GFPT1: variants seen among roughly 807,000 people sequenced by gnomAD.
GFPT1 encodes the protein glutamine--fructose-6-phosphate transaminase 1, also known as glutamine--fructose-6-phosphate aminotransferase [isomerizing] 1.
In GFPT1, 40 loss-of-function variants were observed where a neutral mutation model predicts 92.0. That is an observed-to-expected ratio of 0.43 (90% CI 0.34 to 0.57). The LOEUF is 0.57. Among genes scored for constraint, GFPT1 ranks in the 20% least tolerant of loss-of-function variants. The pLI, the probability that GFPT1 is intolerant of heterozygous loss-of-function variation, is 0.02. For missense variants in GFPT1, 448 were observed against 869.1 expected (o/e 0.52, Z 6.09); for synonymous variants, 269 against 280.6 (o/e 0.96, Z 0.41).
chr2:69,373,995 T>A lies in GFPT1; in HGVS notation c.115+11A>T. ...AATCATGCAAAATCCATAGTATTTT[T>A]TTTAAAGTACCAGCAGAATCATATC... On this transcript the variant is annotated intron_variant, in intron 2 of 19. Transcript: ENST00000357308. 2.5e-6 allele frequency: 3 copies of A among 1,224,002 alleles called. No individual in the cohort carries two copies. Among genetic ancestry groups the A allele is most frequent in the Non-Finnish European group, 3.6e-6 (3 of 825,616 alleles). The allele number at this position is 1,224,002 out of a possible 1,614,324, so 75.8% of individuals were successfully genotyped here.
intron 1 of GFPT1, among the ~76,000 whole-genome samples, chr2:69,382,706 T>G (rs912720186): frequency 6.6e-6 from 1 of 152,212 alleles, no homozygotes. Context: ...TCAAACTATT[T>G]CCGCCTCCAT....
At chr2:69,377,090 C>T (rs1347661436) in intron 1 of GFPT1, among the ~76,000 whole-genome samples, 1 of 151,230 alleles carries the variant, frequency 6.6e-6, no homozygotes, top group Non-Finnish European at 1.5e-5. Context: ...TGCCTGCAAT[C>T]GCAGCTACTC....
intron 1 of GFPT1, among the ~76,000 whole-genome samples, chr2:69,378,071 T>C (rs1671921701): frequency 6.6e-6 from 1 of 152,218 alleles, no homozygotes; most frequent in Non-Finnish European, 1.5e-5. Context: ...GCTGGCGCCA[T>C]CTCAGCTCAC....
intron 15 of GFPT1, among the ~76,000 whole-genome samples, chr2:69,336,557 AAGTAG>A (rs1319873248): frequency 6.6e-6 from 1 of 151,884 alleles, no homozygotes; most frequent in East Asian, 1.9e-4. Flanking sequence ...TATCAAACTT[AAGTAG>A]AAAAATATTG....
chr2:69,326,875 A>G (rs1364447513), intron 19 of GFPT1, 39 bp downstream of exon 19: 1 of 1,605,620 alleles, frequency 6.2e-7, no homozygotes, highest in Non-Finnish European at 8.5e-7. Flanking sequence ...ATCCAGGTAA[A>G]AAACCATCCC....
chr2:69,333,586 G>T (rs1670723675), intron 15 of GFPT1, among the ~76,000 whole-genome samples: 1 of 152,076 alleles, frequency 6.6e-6, no homozygotes, highest in Non-Finnish European at 1.5e-5. Flanking sequence ...TTTTTGTTCA[G>T]CCAAAAACAA....
chr2:69,381,302 T>C (rs1004341551), intron 1 of GFPT1, among the ~76,000 whole-genome samples: 4 of 152,148 alleles, frequency 2.6e-5, no homozygotes, highest in Non-Finnish European at 2.9e-5. Flanking sequence ...GTCTTCATTT[T>C]CTTTTTTTGT....
intron 15 of GFPT1, among the ~76,000 whole-genome samples, chr2:69,336,767 G>A (rs1204019666): frequency 6.6e-6 from 1 of 152,010 alleles, no homozygotes; most frequent in Non-Finnish European, 1.5e-5. Context: ...TCCAGCCCCA[G>A]CCTGGGTGAC....
chr2:69,381,863 C>CTTTT (rs200800795), intron 1 of GFPT1, among the ~76,000 whole-genome samples: 2 of 143,064 alleles, frequency 1.4e-5, no homozygotes, highest in South Asian at 2.3e-4. Context: ...ACTTATAACT[C>CTTTT]TTTTTTTTTT....
intron 15 of GFPT1, among the ~76,000 whole-genome samples, chr2:69,334,844 T>C (rs1670754027): frequency 6.6e-6 from 1 of 152,138 alleles, no homozygotes; most frequent in African/African-American, 2.4e-5. Context: ...GAGTAAGGAT[T>C]GACTACAAAG....
At chr2:69,380,853 T>C (rs1671992099) in intron 1 of GFPT1, among the ~76,000 whole-genome samples, 1 of 152,210 alleles carries the variant, frequency 6.6e-6, no homozygotes, top group African/African-American at 2.4e-5. Context: ...TATTAATTCA[T>C]CACTTGCTTA....
In GFPT1 at chr2:69,331,612, AT is replaced by A. The variant is rs533158656; in HGVS notation, c.1483-1815del. On this transcript the variant is annotated intron_variant, in intron 15 of 19. Transcript: ENST00000357308. Reference sequence around the variant, plus strand: ...TAATATAATTTATGTTAGATTTTGCATTTTTTTCATTACTGTTATATTTTAA... The same window carrying A: ...TAATATAATTTATGTTAGATTTTGCATTTTTTCATTACTGTTATATTTTAA... Among the ~76,000 whole-genome samples, 336 of 152,078 alleles carry A rather than the reference AT, an allele frequency of 2.2e-3. 4 individuals carry two copies. Among genetic ancestry groups the A allele is most frequent in the South Asian group, 0.011 (54 of 4,826 alleles).
chr2:69,385,670 T>C (rs1672113185), intron 1 of GFPT1, among the ~76,000 whole-genome samples: 1 of 152,086 alleles, frequency 6.6e-6, no homozygotes, highest in African/African-American at 2.4e-5. Context: ...AACTACCAAA[T>C]GAAGCACACT....
chr2:69,358,915 A>G (rs1451279622), intron 5 of GFPT1, among the ~76,000 whole-genome samples: 1 of 152,200 alleles, frequency 6.6e-6, no homozygotes, highest in Admixed American at 6.5e-5. Context: ...TTTACGACAT[A>G]AAACTTTCAT....
intron 1 of GFPT1, among the ~76,000 whole-genome samples, chr2:69,379,922 T>C (rs1671967185): frequency 6.6e-6 from 1 of 151,728 alleles, no homozygotes; most frequent in African/African-American, 2.4e-5. Flanking sequence ...TCTTACTACA[T>C]TGCCCAGGCT....
intron 1 of GFPT1, among the ~76,000 whole-genome samples, chr2:69,379,437 T>G (rs1179466767): frequency 6.6e-6 from 1 of 152,230 alleles, no homozygotes; most frequent in African/African-American, 2.4e-5. Context: ...GAGAATCACT[T>G]GAGCCCAGGG....
chr2:69,356,764 A>G lies in GFPT1; in HGVS notation c.544-207T>C, dbSNP rs13389936. On this transcript the variant is annotated intron_variant, in intron 6 of 19. Transcript: ENST00000357308. ...ACATTTTTTTTTTTTTTTGAGATGG[A>G]GTCTCACTCTGTGACCAGGCTGGGG... Among the ~76,000 whole-genome samples, 72,843 of 149,868 alleles carry G rather than the reference A, an allele frequency of 0.49. 18,272 individuals are homozygous for G. Among genetic ancestry groups the G allele is most frequent in the African/African-American group, 0.64 (25,956 of 40,844 alleles).
chr2:69,329,138 T>A (rs1316711138), intron 17 of GFPT1, among the ~76,000 whole-genome samples, 159 bp downstream of exon 17: 1 of 152,208 alleles, frequency 6.6e-6, no homozygotes, highest in African/African-American at 2.4e-5. Context: ...CTGAACAGAG[T>A]TCTCTGTTGC....
chr2:69,379,895 T>C (rs1178514172), intron 1 of GFPT1, among the ~76,000 whole-genome samples: 1 of 151,798 alleles, frequency 6.6e-6, no homozygotes, highest in Non-Finnish European at 1.5e-5. Context: ...ATTTTTTTAT[T>C]TCTTGTAGAA....
Sources: gnomAD v4.1 joint callset for allele counts (sites outside exome capture counted in the v4.1 genomes callset) on GRCh38, gnomAD v4.1.1 for gene constraint, MANE v1.5 for transcripts, NCBI Gene and HGNC (gene_info 2026-07-23, HGNC 2026-07-21) for gene names.